Variants in INO80 observed in about 807,000 individuals in gnomAD.
INO80 encodes the protein chromatin-remodeling ATPase INO80.
A neutral mutation model predicts 203.4 loss-of-function variants in INO80; 20 were observed. The observed-to-expected ratio is 0.10, with a 90% CI of 0.07 to 0.14. INO80 has a LOEUF of 0.14. Ranked by LOEUF, INO80 falls within the 10% of genes least tolerant of loss-of-function variation. INO80 has a pLI of 1.00. For synonymous variants in INO80, 726 were observed against 685.2 expected (o/e 1.06, Z -0.93); for missense variants, 1,419 against 1,914.4 (o/e 0.74, Z 4.83).
intron 29 of INO80, among the ~76,000 whole-genome samples, chr15:40,995,733 G>T (rs1189387678): frequency 6.6e-6 from 1 of 152,146 alleles, no homozygotes; most frequent in Non-Finnish European, 1.5e-5. Context: ...ATTCTTAAAA[G>T]ATACAGAGAG....
chr15:41,115,780 C>T (rs561729942), intron 1 of INO80, among the ~76,000 whole-genome samples, 193 bp downstream of exon 1: 13 of 152,328 alleles, frequency 8.5e-5, no homozygotes, highest in African/African-American at 3.1e-4. Flanking sequence ...ACGGGAAGGA[C>T]AAGGCCCTAG....
At chr15:41,059,985 C>T (rs780668422) in intron 14 of INO80, 59 bp from the exon 15 acceptor site, 4 of 1,121,932 alleles carry the variant, frequency 3.6e-6, no homozygotes, top group East Asian at 2.4e-5. Flanking sequence ...AGTATTAGAA[C>T]AAATATATAA....
At chr15:41,105,999 T>C (rs1249377129) in intron 1 of INO80, among the ~76,000 whole-genome samples, 3 of 152,148 alleles carry the variant, frequency 2.0e-5, no homozygotes, top group African/African-American at 4.8e-5. Context: ...GGCTCACACC[T>C]GTAATCCCAA....
chr15:41,068,204 T>C (rs1029783841), intron 14 of INO80, among the ~76,000 whole-genome samples: 2 of 152,012 alleles, frequency 1.3e-5, no homozygotes, highest in African/African-American at 2.4e-5. Context: ...GAAGGATGAC[T>C]AGAGGCCAGG....
intron 29 of INO80, among the ~76,000 whole-genome samples, chr15:40,994,711 C>A (rs957385734): frequency 5.9e-5 from 9 of 152,044 alleles, no homozygotes; most frequent in Non-Finnish European, 1.0e-4. Context: ...TGTCTCCTCT[C>A]CTGCCACTGG....
intron 8 of INO80, among the ~76,000 whole-genome samples, 175 bp from the exon 9 acceptor site, chr15:41,080,079 C>A (rs1303340789): frequency 6.6e-6 from 1 of 152,038 alleles, no homozygotes; most frequent in African/African-American, 2.4e-5. Flanking sequence ...AGGCCCAGAC[C>A]CTGTGGTATT....
intron 35 of INO80, among the ~76,000 whole-genome samples, chr15:40,982,615 TA>T (rs1206354199): frequency 6.6e-6 from 1 of 152,220 alleles, no homozygotes; most frequent in African/African-American, 2.4e-5. Flanking sequence ...TCAGAATGTT[TA>T]AAGTAGTACA....
intron 27 of INO80, among the ~76,000 whole-genome samples, chr15:41,014,160 T>G (rs1280183698): frequency 4.6e-5 from 7 of 152,212 alleles, no homozygotes; most frequent in African/African-American, 1.7e-4. Flanking sequence ...ACACTCACCT[T>G]CACCTACCGA....
intron 24 of INO80, among the ~76,000 whole-genome samples, chr15:41,042,015 ATTTTTT>A (rs59485772): frequency 1.5e-5 from 2 of 133,954 alleles, no homozygotes; most frequent in South Asian, 2.4e-4. Context: ...TTAATTTTTA[ATTTTTT>A]TTTTTTTTTT....
chr15:41,002,444 C>T (rs2140434129), intron 28 of INO80, among the ~76,000 whole-genome samples: 1 of 152,088 alleles, frequency 6.6e-6, no homozygotes, highest in African/African-American at 2.4e-5. Flanking sequence ...TTTTTTCCAC[C>T]ACAAAGGTAC....
At chr15:41,070,030 A>T (rs1003273924) in intron 13 of INO80, among the ~76,000 whole-genome samples, 1 of 152,192 alleles carries the variant, frequency 6.6e-6, no homozygotes, top group African/African-American at 2.4e-5. Context: ...CGCATTTTTA[A>T]AATTTAATTC....
chr15:40,985,537 C>T, intron 31 of INO80, 111 bp from the exon 32 acceptor site: 1 of 832,100 alleles, frequency 1.2e-6, no homozygotes, highest in Admixed American at 1.9e-5. Context: ...AGTATCACTT[C>T]TATCTGTTTA....
intron 29 of INO80, among the ~76,000 whole-genome samples, chr15:40,994,820 G>A (rs1417952020): frequency 1.3e-5 from 2 of 152,198 alleles, no homozygotes; most frequent in East Asian, 1.9e-4. Context: ...CTTGGTGGAT[G>A]CTCATTAAAC....
intron 5 of INO80, 61 bp from the exon 6 acceptor site, chr15:41,087,743 T>C (rs2045582776): frequency 1.3e-6 from 2 of 1,541,886 alleles, no homozygotes. Flanking sequence ...AAATTACCTT[T>C]ACTACAGAAA....
At chr15:41,049,759 T>C (rs1311303223) in intron 20 of INO80, among the ~76,000 whole-genome samples, 176 bp downstream of exon 20, 1 of 152,004 alleles carries the variant, frequency 6.6e-6, no homozygotes, top group Non-Finnish European at 1.5e-5. Flanking sequence ...GGTGGCAGGC[T>C]CCTGTAGTCT....
At position 40,979,018 on chromosome 15, in the gene INO80, TTC is replaced by T. The variant is rs1323206602; in HGVS notation, c.*1203_*1204del. ...TTCAAAGAGAAAAGGCTTGGCATTT[TTC>T]TGATTCCCTCTAAATAGCATCTGTA... On this transcript the variant is annotated 3_prime_UTR_variant, in exon 36 of 36. Coordinates refer to ENST00000648947, the MANE Select transcript of INO80 (RefSeq NM_017553.3). 1 of 152,690 alleles carries T rather than the reference TTC, an allele frequency of 6.5e-6. No homozygotes were observed. The highest frequency in any genetic ancestry group is 1.9e-4 in the East Asian group (1 of 5,204). 9.5% of individuals were successfully genotyped at this position (152,690 alleles called of 1,614,324 possible).
chr15:41,037,607 A>T (rs913870087), intron 24 of INO80, among the ~76,000 whole-genome samples: 2 of 152,228 alleles, frequency 1.3e-5, no homozygotes, highest in Admixed American at 1.3e-4. Flanking sequence ...TCTGTTAATT[A>T]TACAGCCTGC....
intron 27 of INO80, among the ~76,000 whole-genome samples, chr15:41,009,328 C>T (rs1426729551): frequency 6.6e-6 from 1 of 150,636 alleles, no homozygotes; most frequent in African/African-American, 2.4e-5. Context: ...GTGCACTGCA[C>T]CCACTAACTC....
intron 9 of INO80, among the ~76,000 whole-genome samples, chr15:41,076,265 G>C (rs904523157): frequency 2.0e-5 from 3 of 152,046 alleles, no homozygotes; most frequent in Non-Finnish European, 4.4e-5. Context: ...GGAGGCTGAA[G>C]CAGGAGAATC....
Sources: gnomAD v4.1 joint callset for allele counts (sites outside exome capture counted in the v4.1 genomes callset) on GRCh38, gnomAD v4.1.1 for gene constraint, MANE v1.5 for transcripts, NCBI Gene and HGNC (gene_info 2026-07-23, HGNC 2026-07-21) for gene names.